The following BMPR1B variants were observed in gnomAD, a reference collection of about 807,000 sequenced individuals.
BMPR1B encodes the protein bone morphogenetic protein receptor type 1B.
A neutral mutation model predicts 59.1 loss-of-function variants in BMPR1B; 12 were observed. The ratio of observed to expected loss-of-function variants is 0.20; its 90% CI spans 0.13 to 0.33. BMPR1B has a LOEUF of 0.33. Ranked by LOEUF, BMPR1B falls within the 10% of genes least tolerant of loss-of-function variation. The pLI is 1.00. For synonymous variants in BMPR1B, 237 were observed against 207.3 expected (o/e 1.14, Z -1.23); for missense variants, 550 against 610.9 (o/e 0.90, Z 1.05).
chr4:94,989,937 G>A (rs1721634828), intron 2 of BMPR1B, among the ~76,000 whole-genome samples: 1 of 152,188 alleles, frequency 6.6e-6, no homozygotes, highest in Non-Finnish European at 1.5e-5. Context: ...TTATCACTAG[G>A]AAAATGCAGA....
At chr4:94,999,668 T>A (rs1019564877) in intron 3 of BMPR1B, among the ~76,000 whole-genome samples, 2 of 152,198 alleles carry the variant, frequency 1.3e-5, no homozygotes, top group African/African-American at 4.8e-5. Flanking sequence ...AAAGACAGTG[T>A]CATGCCTTCC....
At chr4:94,787,775 AAAGAT>A (rs1477186927) in intron 1 of BMPR1B, among the ~76,000 whole-genome samples, 1 of 147,234 alleles carries the variant, frequency 6.8e-6, no homozygotes, top group Non-Finnish European at 1.5e-5. Flanking sequence ...GGTAGAAAGA[AAAGAT>A]ATTTTTTCTT....
intron 6 of BMPR1B, among the ~76,000 whole-genome samples, chr4:95,118,559 C>A (rs980638360): frequency 2.0e-5 from 3 of 152,210 alleles, no homozygotes; most frequent in African/African-American, 4.8e-5. Flanking sequence ...ACTTGCCTCT[C>A]AGAGTGAACC....
intron 10 of BMPR1B, among the ~76,000 whole-genome samples, chr4:95,136,814 G>A (rs986137648): frequency 1.3e-5 from 2 of 151,608 alleles, no homozygotes; most frequent in Non-Finnish European, 2.9e-5. Context: ...TTCTTTATTA[G>A]TCTTTCTAGC....
intron 1 of BMPR1B, among the ~76,000 whole-genome samples, chr4:94,775,847 G>T (rs933236528): frequency 2.6e-5 from 4 of 152,134 alleles, no homozygotes; most frequent in Middle Eastern, 3.2e-3. Flanking sequence ...ATCCCAGCAC[G>T]CTGGGAGGCG....
intron 1 of BMPR1B, among the ~76,000 whole-genome samples, chr4:94,865,559 T>G (rs1407310565): frequency 6.6e-6 from 1 of 151,742 alleles, no homozygotes; most frequent in African/African-American, 2.4e-5. Context: ...CCTGGCTAAT[T>G]TTTTTTAATT....
chr4:94,902,942 C>A (rs1196773404), intron 2 of BMPR1B, among the ~76,000 whole-genome samples: 2 of 151,988 alleles, frequency 1.3e-5, no homozygotes, highest in African/African-American at 4.8e-5. Context: ...TTCACTAGAA[C>A]AGAAGCTCTG....
intron 1 of BMPR1B, among the ~76,000 whole-genome samples, chr4:94,806,612 G>T (rs1258192226): frequency 6.6e-6 from 1 of 152,092 alleles, no homozygotes; most frequent in Admixed American, 6.6e-5. Flanking sequence ...CCCTTTTATT[G>T]TGTTACTGTG....
chr4:95,008,614 A>G (rs1032214434), intron 3 of BMPR1B, among the ~76,000 whole-genome samples: 7 of 152,184 alleles, frequency 4.6e-5, no homozygotes, highest in African/African-American at 1.4e-4. Flanking sequence ...GAATTTCTTT[A>G]CCAAGACCAG....
rs144341552 is a variant in BMPR1B, at chr4:95,139,077, G to T, written c.1076+7565G>T. On this transcript the variant is annotated intron_variant, in intron 10 of 12. Transcript: ENST00000515059. ...GCCTTTGGTCTTTGATGATGGTGAT[G>T]TACAGATGGGGTTTTGGTGTGGATG... Among the ~76,000 whole-genome samples, 1,053 of 152,240 alleles carry T rather than the reference G, an allele frequency of 6.9e-3. 29 individuals carry two copies. The highest frequency in any genetic ancestry group is 0.069 in the East Asian group (355 of 5,168).
chr4:94,963,697 T>C (rs1730454203), intron 2 of BMPR1B, among the ~76,000 whole-genome samples: 1 of 152,190 alleles, frequency 6.6e-6, no homozygotes, highest in African/African-American at 2.4e-5. Context: ...TCCACTGATC[T>C]GTGTGTTTTT....
At chr4:95,134,077 G>C (rs1733587637) in intron 10 of BMPR1B, among the ~76,000 whole-genome samples, 1 of 152,076 alleles carries the variant, frequency 6.6e-6, no homozygotes, top group Admixed American at 6.5e-5. Flanking sequence ...CTGTGTCCAA[G>C]TGTTCTCATT....
At chr4:94,787,936 G>C (rs1219477687) in intron 1 of BMPR1B, among the ~76,000 whole-genome samples, 1 of 152,134 alleles carries the variant, frequency 6.6e-6, no homozygotes, top group African/African-American at 2.4e-5. Context: ...TGAGTGGCCT[G>C]TGGAATGGAA....
rs550007147 is a variant in BMPR1B, at chr4:94,945,390, C to T, written c.-112-50650C>T. ...ATGATGGGAAAAACATCTCTTGGTTCAGTATCCATGGATTATTTAGGTGTC... is the reference window on the plus strand; with the variant it reads ...ATGATGGGAAAAACATCTCTTGGTTTAGTATCCATGGATTATTTAGGTGTC... On this transcript the variant is annotated intron_variant, in intron 2 of 12. Coordinates refer to ENST00000515059, the MANE Select transcript of BMPR1B (RefSeq NM_001203.3). Among the ~76,000 whole-genome samples the T allele has an allele frequency of 6.5e-4, 99 of 152,258 alleles. 1 individual carries two copies. Among genetic ancestry groups the T allele is most frequent in the African/African-American group, 2.2e-3 (93 of 41,564 alleles).
chr4:94,933,208 C>T (rs1729161476), intron 2 of BMPR1B, among the ~76,000 whole-genome samples: 1 of 151,976 alleles, frequency 6.6e-6, no homozygotes, highest in Non-Finnish European at 1.5e-5. Context: ...GTTTGCCTGC[C>T]ATAATCTAGG....
At chr4:94,972,262 C>G (rs1730823193) in intron 2 of BMPR1B, among the ~76,000 whole-genome samples, 1 of 150,946 alleles carries the variant, frequency 6.6e-6, no homozygotes. Flanking sequence ...AATTTCTTCT[C>G]TTGCTAGCTG....
intron 1 of BMPR1B, among the ~76,000 whole-genome samples, chr4:94,815,045 A>T (rs1275194175): frequency 6.6e-6 from 1 of 152,122 alleles, no homozygotes; most frequent in Non-Finnish European, 1.5e-5. Flanking sequence ...CTGGGATTAC[A>T]GGCACCTGCC....
At chr4:94,836,989 T>A (rs1350194857) in intron 1 of BMPR1B, among the ~76,000 whole-genome samples, 2 of 144,072 alleles carry the variant, frequency 1.4e-5, no homozygotes, top group East Asian at 1.9e-4. Context: ...CTAGCCAGTT[T>A]TCCCAGCACC....
chr4:95,052,739 T>G (rs886817574), intron 3 of BMPR1B, among the ~76,000 whole-genome samples: 1 of 152,198 alleles, frequency 6.6e-6, no homozygotes, highest in Admixed American at 6.5e-5. Flanking sequence ...GAAAAAGTTT[T>G]TAATTTCTGT....
Sources: gnomAD v4.1 joint callset for allele counts (sites outside exome capture counted in the v4.1 genomes callset) on GRCh38, gnomAD v4.1.1 for gene constraint, MANE v1.5 for transcripts, NCBI Gene and HGNC (gene_info 2026-07-23, HGNC 2026-07-21) for gene names.